UTRN: variants seen among roughly 807,000 people sequenced by gnomAD.
UTRN encodes utrophin.
A neutral mutation model predicts 463.9 loss-of-function variants in UTRN; 283 were observed. That is an observed-to-expected ratio of 0.61 (90% CI 0.55 to 0.67). The LOEUF (loss-of-function observed/expected upper bound fraction) is 0.67, where lower values mean the gene tolerates loss of function less well. Among genes scored for constraint, UTRN ranks in the 30% least tolerant of loss-of-function variants. The pLI, the probability that UTRN is intolerant of heterozygous loss-of-function variation, is 0.00. For synonymous variants in UTRN, 1,442 were observed against 1,431.5 expected (o/e 1.01, Z -0.17); for missense variants, 3,922 against 4,084.3 (o/e 0.96, Z 1.08).
chr6:144,423,677 T>C (rs1170061760), intron 5 of UTRN, 51 bp downstream of exon 5: 1 of 1,597,844 alleles, frequency 6.3e-7, no homozygotes, highest in African/African-American at 1.3e-5. Context: ...CAGCATTATT[T>C]ATTGTGAAAC....
At chr6:144,726,056 C>G (rs917978542) in intron 53 of UTRN, among the ~76,000 whole-genome samples, 1 of 151,928 alleles carries the variant, frequency 6.6e-6, no homozygotes. Context: ...TTCTGAAGCA[C>G]GGAGTTTAAT....
At chr6:144,508,964 A>T (rs929413079) in intron 34 of UTRN, among the ~76,000 whole-genome samples, 1 of 152,080 alleles carries the variant, frequency 6.6e-6, no homozygotes, top group African/African-American at 2.4e-5. Context: ...ATGTTTAGCC[A>T]TGTTTTATAG....
intron 2 of UTRN, among the ~76,000 whole-genome samples, chr6:144,380,992 T>C (rs990457309): frequency 5.3e-5 from 8 of 152,134 alleles, no homozygotes; most frequent in Non-Finnish European, 1.0e-4. Context: ...TTCTTTCTTT[T>C]TTTTTTTCAT....
chr6:144,440,587 C>T, intron 13 of UTRN, 116 bp downstream of exon 13: 1 of 1,395,166 alleles, frequency 7.2e-7, no homozygotes, highest in Non-Finnish European at 9.9e-7. Flanking sequence ...GTAGAAAAAC[C>T]TACCTTTGAT....
At chr6:144,352,897 C>G (rs976287045) in intron 2 of UTRN, among the ~76,000 whole-genome samples, 1 of 152,026 alleles carries the variant, frequency 6.6e-6, no homozygotes, top group African/African-American at 2.4e-5. Flanking sequence ...CATTGATTTT[C>G]CAGTAGTTTT....
At chr6:144,395,520 G>A (rs559276656) in intron 2 of UTRN, among the ~76,000 whole-genome samples, 1 of 151,608 alleles carries the variant, frequency 6.6e-6, no homozygotes, top group South Asian at 2.1e-4. Context: ...GAAAGTGCAA[G>A]TAGAAAAACA....
chr6:144,424,129 G>T lies in UTRN; in HGVS notation c.405+51G>T, dbSNP rs1258170655. ...AATAGAGATGGAAAATGTGTTGTTT[G>T]TCTTTTAGTTTCTTAAGGCTGCCGT... On this transcript the variant is annotated intron_variant, in intron 6 of 74. Coordinates refer to ENST00000367545, the MANE Select transcript of UTRN (RefSeq NM_007124.3). 4 of 1,585,230 alleles carry T rather than the reference G, an allele frequency of 2.5e-6. No homozygotes were observed. The Admixed American group carries it at 6.9e-5, about 27-fold the overall frequency.
intron 3 of UTRN, among the ~76,000 whole-genome samples, chr6:144,415,078 T>C (rs961105914): frequency 6.6e-6 from 1 of 152,240 alleles, no homozygotes; most frequent in African/African-American, 2.4e-5. Flanking sequence ...ATACTTACCA[T>C]GTGTTACAGT....
At chr6:144,332,636 T>G (rs1776417124) in intron 2 of UTRN, among the ~76,000 whole-genome samples, 1 of 152,100 alleles carries the variant, frequency 6.6e-6, no homozygotes, top group Non-Finnish European at 1.5e-5. Context: ...TCAGAATACT[T>G]AAGTTACAAA....
intron 65 of UTRN, among the ~76,000 whole-genome samples, chr6:144,804,470 G>T (rs569657553): frequency 6.6e-6 from 1 of 152,256 alleles, no homozygotes; most frequent in East Asian, 1.9e-4. Context: ...TAGTTAAAGT[G>T]GTAAGGACAG....
intron 50 of UTRN, among the ~76,000 whole-genome samples, chr6:144,562,319 C>T (rs1442124421): frequency 6.6e-6 from 1 of 151,908 alleles, no homozygotes; most frequent in African/African-American, 2.4e-5. Context: ...GTAGTAAGTC[C>T]AGCATTCATT....
At chr6:144,734,715 A>C (rs976987248) in intron 54 of UTRN, among the ~76,000 whole-genome samples, 9 of 152,286 alleles carry the variant, frequency 5.9e-5, no homozygotes, top group African/African-American at 1.9e-4. Context: ...TACCCCTTGG[A>C]TGATTGCAGG....
In UTRN at chr6:144,542,408, C is replaced by T. The variant is rs947814800; in HGVS notation, c.6520-387C>T. Among the ~76,000 whole-genome samples the T allele has an allele frequency of 2.6e-5, 4 of 152,176 alleles. No individual in the cohort carries two copies. The South Asian group carries it at 8.3e-4, about 32-fold the overall frequency. On this transcript the variant is annotated intron_variant, in intron 45 of 74. Coordinates refer to ENST00000367545, the MANE Select transcript of UTRN (RefSeq NM_007124.3). ...AGGGTGAAGGGCAAGAAGAGCAACACAGCTGCCCTGAAGGATATTGGTATT... is the reference window on the plus strand; with the variant it reads ...AGGGTGAAGGGCAAGAAGAGCAACATAGCTGCCCTGAAGGATATTGGTATT...
At chr6:144,606,131 A>G (rs906958276) in intron 51 of UTRN, among the ~76,000 whole-genome samples, 1 of 152,254 alleles carries the variant, frequency 6.6e-6, no homozygotes, top group Non-Finnish European at 1.5e-5. Flanking sequence ...ATTGGTGATC[A>G]TAAATGAACT....
At chr6:144,660,544 T>C (rs1779770321) in intron 51 of UTRN, among the ~76,000 whole-genome samples, 1 of 152,036 alleles carries the variant, frequency 6.6e-6, no homozygotes, top group Non-Finnish European at 1.5e-5. Context: ...AGTCAGCTGG[T>C]AATTTAACTG....
chr6:144,793,147 G>GTCTTTAAAAA (rs1198631456), intron 62 of UTRN, among the ~76,000 whole-genome samples: 1 of 151,984 alleles, frequency 6.6e-6, no homozygotes, highest in African/African-American at 2.4e-5. Context: ...GAGTATAAAA[G>GTCTTTAAAAA]TCTTTAAAAT....
At chr6:144,287,067 G>C (rs1000994774) in intron 1 of UTRN, among the ~76,000 whole-genome samples, 8 of 152,166 alleles carry the variant, frequency 5.3e-5, no homozygotes, top group African/African-American at 1.9e-4. Flanking sequence ...CCATTCCTTT[G>C]TAAGTTGCAC....
At chr6:144,785,673 G>A (rs1407482971) in intron 61 of UTRN, among the ~76,000 whole-genome samples, 1 of 152,130 alleles carries the variant, frequency 6.6e-6, no homozygotes, top group African/African-American at 2.4e-5. Flanking sequence ...TGCTGTGTGA[G>A]TTGGCAGCTA....
chr6:144,479,859 G>A lies in UTRN; in HGVS notation c.3384G>A (p.Ala1128=), dbSNP rs112708396. 3.3e-5 allele frequency: 53 copies of A among 1,613,968 alleles called. 1 individual carries two copies. The highest frequency in any genetic ancestry group is 3.1e-4 in the African/African-American group (23 of 75,024). ...TGTCTGAAAGTCAAGAAAAAGCTGC[G>A]AACCTGAAGAAAGACTTGGCAGAGA... is the stretch of plus-strand genomic sequence containing the variant. ...SRLSESQEKA[A]NLKKDLAEMQ... The change falls in exon 26 of 75, where the codon GCG becomes GCA. Residue 1128 remains alanine (A), a synonymous_variant. Transcript: ENST00000367545.
Sources: allele counts gnomAD v4.1 joint callset (sites outside exome capture counted in the v4.1 genomes callset), GRCh38; gene constraint gnomAD v4.1.1; transcripts MANE v1.5; gene names NCBI Gene and HGNC (gene_info 2026-07-23, HGNC 2026-07-21).